CPM: variants seen among roughly 807,000 people sequenced by gnomAD.
The protein encoded by CPM is carboxypeptidase M.
A neutral mutation model predicts 46.4 loss-of-function variants in CPM; 35 were observed. That is an observed-to-expected ratio of 0.75 (90% CI 0.58 to 1.00). The LOEUF (loss-of-function observed/expected upper bound fraction) is 1.00. CPM is among the 50% of genes least tolerant of loss of function. The pLI, the probability that CPM is intolerant of heterozygous loss-of-function variation, is 0.00. For missense variants in CPM, 422 were observed against 530.4 expected, an observed-to-expected ratio of 0.80 and a Z score of 2.01; for synonymous variants, 195 against 195.3, an observed-to-expected ratio of 1.00 and a Z score of 0.01.
At chr12:68,896,511 C>T (rs574106042) in intron 2 of CPM, among the ~76,000 whole-genome samples, 1 of 152,268 alleles carries the variant, frequency 6.6e-6, no homozygotes, top group Middle Eastern at 3.4e-3. Context: ...TGAGGAAGCT[C>T]ACTTGGAGTC....
At chr12:68,877,814 G>GT (rs1291412780) in intron 3 of CPM, among the ~76,000 whole-genome samples, 1 of 152,142 alleles carries the variant, frequency 6.6e-6, no homozygotes, top group African/African-American at 2.4e-5. Context: ...CATGTTGACT[G>GT]TACTTCCCAG....
rs147492174 is a variant in CPM, at chr12:68,898,513, CT to C, written c.161-12625del. ...CTTGAAGTTACCAAAATTAGGTTCC[CT>C]AACCGGAACATTTGGTGGATTAACA... is the stretch of plus-strand genomic sequence containing the variant. On this transcript the variant is annotated intron_variant, in intron 2 of 8. Transcript: ENST00000551568. Among the ~76,000 whole-genome samples, 140 of 152,276 alleles carry C rather than the reference CT, an allele frequency of 9.2e-4. 3 individuals carry two copies. The East Asian group carries it at 0.019, about 20-fold the overall frequency.
At position 68,851,749 on chromosome 12, in the gene CPM, T is replaced by C. The variant is rs1185520117; in HGVS notation, c.*4688A>G. 1.3e-5 allele frequency: 2 copies of C among 152,214 alleles called. No homozygotes were observed. Among genetic ancestry groups the C allele is most frequent in the African/African-American group, 4.8e-5 (2 of 41,470 alleles). The allele number at this position is 152,214 out of a possible 1,614,324, so 9.4% of individuals were successfully genotyped here. On this transcript the variant is annotated 3_prime_UTR_variant, in exon 9 of 9. Coordinates refer to ENST00000551568, the MANE Select transcript of CPM (RefSeq NM_198320.5). Reference sequence around the variant, plus strand: ...AGCAATACTGTACAGTATCTGCTTATTAGTTGATATAATGTAAAGTCTATA... The same window carrying C: ...AGCAATACTGTACAGTATCTGCTTACTAGTTGATATAATGTAAAGTCTATA...
intron 2 of CPM, among the ~76,000 whole-genome samples, chr12:68,886,652 A>G (rs998756047): frequency 6.6e-6 from 1 of 152,176 alleles, no homozygotes. Flanking sequence ...AAATAAATAA[A>G]TAAAATTTAA....
chr12:68,874,949 TGAAAAG>T (rs1295879235), intron 3 of CPM, among the ~76,000 whole-genome samples: 4 of 151,828 alleles, frequency 2.6e-5, no homozygotes, highest in Admixed American at 2.0e-4. Flanking sequence ...CGAAAGAAAG[TGAAAAG>T]GAAGAGTAAA....
In CPM at chr12:68,898,929, G is replaced by A. The variant is rs569237760; in HGVS notation, c.161-13040C>T. On this transcript the variant is annotated intron_variant, in intron 2 of 8. Coordinates refer to ENST00000551568, the MANE Select transcript of CPM (RefSeq NM_198320.5). Reference sequence around the variant, plus strand: ...ATAGTGCCAGAAACATTGTAAGCACGTGTTTGTTTGAGGGCCTCAGGTGTA... The same window carrying A: ...ATAGTGCCAGAAACATTGTAAGCACATGTTTGTTTGAGGGCCTCAGGTGTA... Among the ~76,000 whole-genome samples, 9 of 152,290 alleles carry A rather than the reference G, an allele frequency of 5.9e-5. No homozygotes were observed. The South Asian group carries it at 8.3e-4, about 14-fold the overall frequency.
At chr12:68,886,619 G>A (rs375851720) in intron 2 of CPM, among the ~76,000 whole-genome samples, 32 of 152,162 alleles carry the variant, frequency 2.1e-4, no homozygotes, top group East Asian at 5.8e-4. Flanking sequence ...GCGACAGAGC[G>A]AGACTCCGTC....
chr12:68,885,757 T>C (rs963286691), intron 3 of CPM, 35 bp downstream of exon 3: 15 of 1,553,346 alleles, frequency 9.7e-6, no homozygotes, highest in Non-Finnish European at 1.2e-5. Context: ...GAAGCTTCTC[T>C]GGTGACATTT....
chr12:68,911,346 G>A (rs567437672), intron 2 of CPM, among the ~76,000 whole-genome samples: 2 of 152,290 alleles, frequency 1.3e-5, no homozygotes, highest in African/African-American at 4.8e-5. Context: ...GCAGGAACAA[G>A]GTCAGCCCAA....
intron 1 of CPM, among the ~76,000 whole-genome samples, chr12:68,942,878 G>A (rs570969229): frequency 6.6e-6 from 1 of 152,270 alleles, no homozygotes; most frequent in Non-Finnish European, 1.5e-5. Context: ...TCAGATCAAA[G>A]TTTGACACTC....
At chr12:68,950,686 G>T (rs7315320) in intron 1 of CPM, among the ~76,000 whole-genome samples, 101,227 of 152,036 alleles carry the variant, frequency 0.67, 33,766 homozygotes, top group African/African-American at 0.73. Context: ...CCCTTATAGA[G>T]CCTGCCAGAT....
intron 2 of CPM, among the ~76,000 whole-genome samples, chr12:68,931,350 G>A (rs1453947487): frequency 1.3e-5 from 2 of 152,124 alleles, no homozygotes; most frequent in Non-Finnish European, 2.9e-5. Flanking sequence ...ACAAAAAGTT[G>A]AGATCCAAAT....
chr12:68,857,936 A>G (rs929902355), intron 8 of CPM, among the ~76,000 whole-genome samples: 6 of 152,218 alleles, frequency 3.9e-5, no homozygotes, highest in Non-Finnish European at 7.3e-5. Flanking sequence ...ATTCACAGTG[A>G]GTTGAGATTT....
intron 3 of CPM, among the ~76,000 whole-genome samples, chr12:68,885,065 TC>T (rs1347501399): frequency 1.3e-5 from 2 of 152,188 alleles, no homozygotes; most frequent in Non-Finnish European, 2.9e-5. Context: ...TGCCTCAGCC[TC>T]CCGACTAGCT....
chr12:68,891,885 T>A (rs1229500407), intron 2 of CPM, among the ~76,000 whole-genome samples: 1 of 152,120 alleles, frequency 6.6e-6, no homozygotes, highest in Non-Finnish European at 1.5e-5. Context: ...TACAGATGTG[T>A]GCCACCACGG....
chr12:68,850,317 G>A (rs1884610853), downstream of CPM: 1 of 149,582 alleles, frequency 6.7e-6, no homozygotes, highest in East Asian at 2.0e-4. Context: ...AAATTTAAAC[G>A]TTGAAGTCTA....
intron 2 of CPM, among the ~76,000 whole-genome samples, chr12:68,894,716 G>A (rs1592670032): frequency 6.6e-6 from 1 of 152,234 alleles, no homozygotes; most frequent in South Asian, 2.1e-4. Context: ...TCACTGTGAA[G>A]CATTCTGCCT....
chr12:68,846,525 C>T (rs1047183192), downstream of CPM: 1 of 152,146 alleles, frequency 6.6e-6, no homozygotes, highest in Non-Finnish European at 1.5e-5. Context: ...ATTAAGTAGG[C>T]CTTCCTTCAA....
intron 2 of CPM, among the ~76,000 whole-genome samples, chr12:68,928,218 A>G (rs1375507889): frequency 6.6e-6 from 1 of 152,210 alleles, no homozygotes; most frequent in Non-Finnish European, 1.5e-5. Flanking sequence ...ATAACGCCGC[A>G]TATCTACAAC....
Sources: allele counts gnomAD v4.1 joint callset (sites outside exome capture counted in the v4.1 genomes callset), GRCh38; gene constraint gnomAD v4.1.1; transcripts MANE v1.5; gene names NCBI Gene and HGNC (gene_info 2026-07-23, HGNC 2026-07-21).